CACNA2D3: variants seen among roughly 807,000 people sequenced by gnomAD.
CACNA2D3 encodes the protein calcium voltage-gated channel auxiliary subunit alpha2delta 3.
In CACNA2D3, 60 loss-of-function variants were observed where a neutral mutation model predicts 160.6. The observed-to-expected ratio is 0.37, with a 90% CI of 0.30 to 0.46. The LOEUF is 0.46. Among genes scored for constraint, CACNA2D3 ranks in the 20% least tolerant of loss-of-function variants. The pLI is 1.00. For missense variants in CACNA2D3, 1,205 were observed against 1,365.0 expected (o/e 0.88, Z 1.85); for synonymous variants, 558 against 492.9 (o/e 1.13, Z -1.75).
chr3:55,064,416 G>T (rs1025664293), intron 35 of CACNA2D3, among the ~76,000 whole-genome samples: 1 of 152,102 alleles, frequency 6.6e-6, no homozygotes, highest in Non-Finnish European at 1.5e-5. Flanking sequence ...GAGGTGGGGG[G>T]CAGGGCTCTA....
chr3:54,605,776 G>C (rs537847421), intron 9 of CACNA2D3, among the ~76,000 whole-genome samples: 1 of 152,134 alleles, frequency 6.6e-6, no homozygotes, highest in Admixed American at 6.5e-5. Flanking sequence ...CCTAGTGCAC[G>C]TCAGAATTAG....
intron 2 of CACNA2D3, among the ~76,000 whole-genome samples, chr3:54,265,614 G>GTA (rs763405327): frequency 1.4e-5 from 2 of 146,552 alleles, no homozygotes; most frequent in African/African-American, 2.6e-5. Flanking sequence ...TATATAGTGT[G>GTA]TATATATATA....
rs1559595693 is a variant in CACNA2D3 at position 54,822,800 on chromosome 3, TTTC to T, written c.1398+5933_1398+5935del. Among the ~76,000 whole-genome samples the T allele has an allele frequency of 2.9e-3, 273 of 94,024 alleles. 6 individuals carry two copies. The highest frequency in any genetic ancestry group is 6.2e-3 in the East Asian group (21 of 3,414). 61.7% of individuals were successfully genotyped at this position (94,024 alleles called of 152,430 possible). A position where few individuals can be genotyped will look rare whatever the true frequency, so the allele number is the denominator to read the frequency against. On this transcript the variant is annotated intron_variant, in intron 14 of 37. Coordinates refer to ENST00000474759, the MANE Select transcript of CACNA2D3 (RefSeq NM_018398.3). ...TTTCTTTCTTTCTTTCCTTTCTTTC[TTTC>T]TTTCTTTCTTTCTTTCTTTCTTTCT...
At chr3:54,136,736 T>C (rs1229345560) in intron 2 of CACNA2D3, among the ~76,000 whole-genome samples, 1 of 152,260 alleles carries the variant, frequency 6.6e-6, no homozygotes, top group Non-Finnish European at 1.5e-5. Flanking sequence ...TTCTACAGGA[T>C]GTCAGGCTTT....
At chr3:54,991,419 C>T (rs1464961435) in intron 31 of CACNA2D3, among the ~76,000 whole-genome samples, 2 of 152,034 alleles carry the variant, frequency 1.3e-5, no homozygotes, top group African/African-American at 4.8e-5. Flanking sequence ...GACGGGGTTT[C>T]ACCATGTTGG....
chr3:54,932,676 G>A (rs1191598152), intron 27 of CACNA2D3, among the ~76,000 whole-genome samples: 3 of 152,148 alleles, frequency 2.0e-5, no homozygotes, highest in African/African-American at 7.2e-5. Flanking sequence ...GGGTCTCTAC[G>A]TGTGATGAGC....
intron 11 of CACNA2D3, among the ~76,000 whole-genome samples, chr3:54,660,289 T>A (rs1039876384): frequency 6.6e-6 from 1 of 151,978 alleles, no homozygotes. Context: ...GCCTCCTGAG[T>A]AGCTGGGACT....
intron 13 of CACNA2D3, among the ~76,000 whole-genome samples, chr3:54,767,827 G>T (rs1208000001): frequency 6.6e-6 from 1 of 152,138 alleles, no homozygotes; most frequent in Non-Finnish European, 1.5e-5. Context: ...GACAATTTGA[G>T]CCTCAAAATA....
At chr3:54,638,327 T>G (rs1456577643) in intron 10 of CACNA2D3, 1 of 151,896 alleles carries the variant, frequency 6.6e-6, no homozygotes, top group African/African-American at 2.4e-5. Flanking sequence ...TGATTTGGGA[T>G]AAAGAAAAAG....
At chr3:54,812,122 C>T (rs1307801185) in intron 13 of CACNA2D3, among the ~76,000 whole-genome samples, 1 of 152,132 alleles carries the variant, frequency 6.6e-6, no homozygotes, top group East Asian at 1.9e-4. Flanking sequence ...ATCACATTCA[C>T]CTTCCTGGCA....
At chr3:54,853,820 T>C (rs1173372270) in intron 17 of CACNA2D3, among the ~76,000 whole-genome samples, 5 of 151,990 alleles carry the variant, frequency 3.3e-5, no homozygotes, top group Non-Finnish European at 7.4e-5. Context: ...AGGCCTGACT[T>C]CTCTGTCTCA....
chr3:54,821,154 A>G (rs535645985), intron 14 of CACNA2D3, among the ~76,000 whole-genome samples: 14 of 152,306 alleles, frequency 9.2e-5, no homozygotes, highest in African/African-American at 2.9e-4. Context: ...TAGGTGCTCT[A>G]TGTCTTTCCT....
At chr3:54,730,291 T>C (rs1701362229) in intron 11 of CACNA2D3, among the ~76,000 whole-genome samples, 1 of 152,106 alleles carries the variant, frequency 6.6e-6, no homozygotes, top group South Asian at 2.1e-4. Context: ...CCCATATCCA[T>C]GCAAAGAAGA....
At chr3:54,689,665 C>A (rs1214878248) in intron 11 of CACNA2D3, among the ~76,000 whole-genome samples, 1 of 152,024 alleles carries the variant, frequency 6.6e-6, no homozygotes, top group East Asian at 1.9e-4. Flanking sequence ...CTCTCTTAAC[C>A]CTCAACAAGT....
chr3:54,495,041 C>T (rs113400208), intron 4 of CACNA2D3, among the ~76,000 whole-genome samples: 3 of 152,156 alleles, frequency 2.0e-5, no homozygotes, highest in South Asian at 2.1e-4. Context: ...CAAACCATAT[C>T]AGGTGCTGTG....
rs77238391 is a variant in CACNA2D3 at position 54,971,346 on chromosome 3, A to G, written c.2556+1502A>G. Reference sequence around the variant, plus strand: ...GAGTGCTCAGCTCAAGAACAACACAACTCAATAGTAGTAGTGATTAATCAG... The same window carrying G: ...GAGTGCTCAGCTCAAGAACAACACAGCTCAATAGTAGTAGTGATTAATCAG... On this transcript the variant is annotated intron_variant, in intron 29 of 37. Coordinates refer to ENST00000474759, the MANE Select transcript of CACNA2D3 (RefSeq NM_018398.3). Among the ~76,000 whole-genome samples, 1,470 of 152,218 alleles carry G rather than the reference A, an allele frequency of 9.7e-3. 32 individuals are homozygous for G. The highest frequency in any genetic ancestry group is 0.033 in the African/African-American group (1,373 of 41,526).
intron 27 of CACNA2D3, among the ~76,000 whole-genome samples, chr3:54,907,909 T>C (rs898488436): frequency 6.6e-6 from 1 of 152,210 alleles, no homozygotes; most frequent in African/African-American, 2.4e-5. Flanking sequence ...CAGTACTTCA[T>C]TTTTAAATTG....
chr3:54,944,104 T>C (rs1009080647), intron 27 of CACNA2D3, among the ~76,000 whole-genome samples: 1 of 152,192 alleles, frequency 6.6e-6, no homozygotes, highest in African/African-American at 2.4e-5. Context: ...AAGTCTGATA[T>C]CATACCATTT....
chr3:54,461,376 G>A (rs942350433), intron 4 of CACNA2D3, among the ~76,000 whole-genome samples: 41 of 151,078 alleles, frequency 2.7e-4, no homozygotes, highest in Non-Finnish European at 4.6e-4. Context: ...TGTACCTCTG[G>A]TAGAATTCGG....
Sources: gnomAD v4.1 joint callset for allele counts (sites outside exome capture counted in the v4.1 genomes callset) on GRCh38, gnomAD v4.1.1 for gene constraint, MANE v1.5 for transcripts, NCBI Gene and HGNC (gene_info 2026-07-23, HGNC 2026-07-21) for gene names.